The following HDAC4 variants were observed in gnomAD, a reference collection of about 807,000 sequenced individuals.
HDAC4 encodes the protein histone deacetylase A.
A neutral mutation model predicts 135.1 loss-of-function variants in HDAC4; 16 were observed. That is an observed-to-expected ratio of 0.12 (90% CI 0.08 to 0.18). HDAC4 has a LOEUF of 0.18. HDAC4 is among the 10% of genes least tolerant of loss of function. The probability of loss-of-function intolerance (pLI) is 1.00; values close to 1 mark genes in which losing one functional copy is unlikely to be tolerated. For synonymous variants in HDAC4, 685 were observed against 653.4 expected (o/e 1.05, Z -0.74); for missense variants, 1,143 against 1,511.8 (o/e 0.76, Z 4.05).
At chr2:239,084,296 T>A in intron 19 of HDAC4, 54 bp from the exon 20 acceptor site, 1 of 1,311,174 alleles carries the variant, frequency 7.6e-7, no homozygotes, top group Non-Finnish European at 1.1e-6. Flanking sequence ...GTGGCCAGTT[T>A]CTCCACGGCC....
chr2:239,329,982 G>C (rs1691455800), intron 2 of HDAC4, among the ~76,000 whole-genome samples: 1 of 152,174 alleles, frequency 6.6e-6, no homozygotes. Context: ...GTCCTGGTGG[G>C]AGGAGGGGTG....
intron 2 of HDAC4, among the ~76,000 whole-genome samples, chr2:239,277,163 C>T (rs940752859): frequency 3.3e-5 from 5 of 152,192 alleles, no homozygotes; most frequent in African/African-American, 7.2e-5. Context: ...AGTGGGGTCC[C>T]GAGGTTAGCA....
chr2:239,176,416 CT>C lies in HDAC4; in HGVS notation c.486del (p.Glu163ArgfsTer9). The C allele has an allele frequency of 6.2e-7, 1 of 1,612,232 alleles. No homozygotes were observed. ...LQQLKNKEKG[K>X]ESAVASTEVK... ...GGCCTTCCGTGCCCACACTCACTCT[CT>C]TTGCCCTTCTCCTTGTTCTTGAGCT... On this transcript the variant is annotated frameshift_variant, in exon 5 of 27. Transcript: ENST00000543185. LOFTEE classifies it high-confidence loss of function.
At chr2:239,147,120 G>C (rs543610403) in intron 7 of HDAC4, among the ~76,000 whole-genome samples, 1 of 152,210 alleles carries the variant, frequency 6.6e-6, no homozygotes, top group African/African-American at 2.4e-5. Flanking sequence ...TGCGGGGCTC[G>C]GGGAGGGGAT....
At chr2:239,235,869 G>A (rs550304717) in intron 3 of HDAC4, among the ~76,000 whole-genome samples, 9 of 152,168 alleles carry the variant, frequency 5.9e-5, no homozygotes, top group South Asian at 2.1e-4. Context: ...GTAAAACCCC[G>A]TCTCTACTAA....
At chr2:239,302,988 G>A (rs556780127) in intron 2 of HDAC4, among the ~76,000 whole-genome samples, 1 of 152,320 alleles carries the variant, frequency 6.6e-6, no homozygotes, top group African/African-American at 2.4e-5. Flanking sequence ...GGCACTGCCT[G>A]GGCACTCTGC....
chr2:239,200,365 C>T (rs1273552764), intron 3 of HDAC4, among the ~76,000 whole-genome samples: 1 of 152,112 alleles, frequency 6.6e-6, no homozygotes, highest in African/African-American at 2.4e-5. Context: ...TTGTATTTAC[C>T]ATGGTGGGGA....
Position 239,314,260 on chromosome 2 carries a change from C to T in HDAC4, c.22+38418G>A, listed in dbSNP as rs1040510862. Among the ~76,000 whole-genome samples the T allele has an allele frequency of 3.3e-5, 5 of 152,154 alleles. No individual in the cohort carries two copies. The East Asian group carries it at 5.8e-4, about 18-fold the overall frequency. On this transcript the variant is annotated intron_variant, in intron 2 of 26. Transcript: ENST00000543185. ...AGTCACAATCAAGAACCATGGGTAGCGGGAGTAAGTCCCGGAAAGACCTCA... is the reference window on the plus strand; with the variant it reads ...AGTCACAATCAAGAACCATGGGTAGTGGGAGTAAGTCCCGGAAAGACCTCA...
At chr2:239,078,088 C>T (rs915168247) in intron 22 of HDAC4, among the ~76,000 whole-genome samples, 4 of 152,164 alleles carry the variant, frequency 2.6e-5, no homozygotes, top group East Asian at 1.9e-4. Context: ...CATGTCCCCG[C>T]GCACAGGTGA....
chr2:239,185,741 AAG>A (rs1258124449), intron 4 of HDAC4, among the ~76,000 whole-genome samples: 1 of 152,192 alleles, frequency 6.6e-6, no homozygotes, highest in Non-Finnish European at 1.5e-5. Flanking sequence ...TCAGAAATGC[AAG>A]AGAGAGGCCG....
At chr2:239,318,792 A>G (rs986097022) in intron 2 of HDAC4, among the ~76,000 whole-genome samples, 2 of 152,260 alleles carry the variant, frequency 1.3e-5, no homozygotes, top group Non-Finnish European at 2.9e-5. Context: ...TTAAAAAGAA[A>G]AAAGTTAAGG....
chr2:239,111,811 C>T, intron 13 of HDAC4, 99 bp from the exon 14 acceptor site: 1 of 1,134,162 alleles, frequency 8.8e-7, no homozygotes, highest in Non-Finnish European at 1.3e-6. Context: ...CCCGTCCACG[C>T]ACAGGCCATA....
chr2:239,347,043 T>C (rs910521825), intron 2 of HDAC4, among the ~76,000 whole-genome samples: 1 of 150,362 alleles, frequency 6.7e-6, no homozygotes, highest in Non-Finnish European at 1.5e-5. Flanking sequence ...ACATACACCC[T>C]GATTCACACA....
chr2:239,152,193 C>G (rs865901217), intron 7 of HDAC4, among the ~76,000 whole-genome samples: 4 of 152,224 alleles, frequency 2.6e-5, no homozygotes. Context: ...CATTCCTCAG[C>G]GTGAACATGG....
intron 1 of HDAC4, among the ~76,000 whole-genome samples, chr2:239,381,508 T>C (rs1005115327): frequency 1.3e-5 from 2 of 152,216 alleles, no homozygotes; most frequent in Non-Finnish European, 2.9e-5. Context: ...TTTCATTTCC[T>C]CACCCCCAAG....
intron 22 of HDAC4, among the ~76,000 whole-genome samples, chr2:239,079,941 CCACA>C (rs761222009): frequency 6.7e-5 from 10 of 148,476 alleles, no homozygotes; most frequent in African/African-American, 2.6e-4. Flanking sequence ...GCATCCACAC[CCACA>C]CAGATGTGTG....
At chr2:239,096,136 T>C (rs1302189318) in intron 16 of HDAC4, among the ~76,000 whole-genome samples, 2 of 152,120 alleles carry the variant, frequency 1.3e-5, no homozygotes, top group South Asian at 2.1e-4. Context: ...GAGTTGGCCA[T>C]AGGTCCATTA....
chr2:239,141,090 T>G lies in HDAC4; in HGVS notation c.866-1294A>C, dbSNP rs1035538475. On this transcript the variant is annotated intron_variant, in intron 8 of 26. Transcript: ENST00000543185. This position sits in a 1 kb window ranked among gnomAD's most constrained non-coding sequence, Gnocchi z 4.9. ...TGACCCCGTTTCCCAGAAGAGGAGA[T>G]GGAGGCATGGAGCAGCAACATCACT... is the stretch of plus-strand genomic sequence containing the variant. 1 of 279,514 alleles carries G rather than the reference T, an allele frequency of 3.6e-6. No individual in the cohort carries two copies. The highest frequency in any genetic ancestry group is 2.3e-5 in the African/African-American group (1 of 43,300). 17.3% of individuals were successfully genotyped at this position (279,514 alleles called of 1,614,324 possible). A position where few individuals can be genotyped will look rare whatever the true frequency, so the allele number is the denominator to read the frequency against.
chr2:239,240,098 C>T lies in HDAC4; in HGVS notation c.23-3434G>A, dbSNP rs1016005533. ...TGGGGCTCAGGGCAGCAGCCATGAT[C>T]GAGAAGCCAAACACTAAAGGCGTTT... is the stretch of plus-strand genomic sequence containing the variant. On this transcript the variant is annotated intron_variant, in intron 2 of 26. Coordinates refer to ENST00000543185, the MANE Select transcript of HDAC4 (RefSeq NM_001378414.1). This position sits in a 1 kb window ranked among gnomAD's most constrained non-coding sequence, Gnocchi z 4.5. 6.6e-6 allele frequency among the ~76,000 whole-genome samples: 1 copy of T among 152,256 alleles called. No homozygotes were observed. Among genetic ancestry groups the T allele is most frequent in the Non-Finnish European group, 1.5e-5 (1 of 68,048 alleles).
Sources: gnomAD v4.1 joint callset for allele counts (sites outside exome capture counted in the v4.1 genomes callset) on GRCh38, gnomAD v4.1.1 for gene constraint, Gnocchi (gnomAD v3.1) non-coding constraint, MANE v1.5 for transcripts, NCBI Gene and HGNC (gene_info 2026-07-23, HGNC 2026-07-21) for gene names.